IGF2BP2: variants seen among roughly 807,000 people sequenced by gnomAD.
The protein encoded by IGF2BP2 is insulin-like growth factor 2 mRNA-binding protein 2.
IGF2BP2 carries 17 observed loss-of-function variants against 75.8 expected under a neutral mutation model. The observed-to-expected ratio is 0.22, with a 90% CI of 0.15 to 0.34. The LOEUF (loss-of-function observed/expected upper bound fraction) is 0.34. Ranked by LOEUF, IGF2BP2 falls within the 10% of genes least tolerant of loss-of-function variation. The pLI, the probability that IGF2BP2 is intolerant of heterozygous loss-of-function variation, is 1.00. For missense variants in IGF2BP2, 516 were observed against 772.4 expected (o/e 0.67, Z 3.93); for synonymous variants, 288 against 295.6 (o/e 0.97, Z 0.26).
chr3:185,817,802 G>T (rs1480774249), intron 2 of IGF2BP2, among the ~76,000 whole-genome samples: 1 of 152,168 alleles, frequency 6.6e-6, no homozygotes, highest in Non-Finnish European at 1.5e-5. Flanking sequence ...ATTTGAACAT[G>T]AATTTGAATA....
At chr3:185,724,516 C>A (rs1386815596) in intron 2 of IGF2BP2, 1 of 152,214 alleles carries the variant, frequency 6.6e-6, no homozygotes, top group Non-Finnish European at 1.5e-5. Flanking sequence ...GCCCACCCAG[C>A]TACTTATTAA....
chr3:185,712,151 G>C (rs923152736), intron 2 of IGF2BP2, among the ~76,000 whole-genome samples: 1 of 152,196 alleles, frequency 6.6e-6, no homozygotes, highest in Non-Finnish European at 1.5e-5. Context: ...GGTTTCAGAA[G>C]CTGAGAAGTG....
intron 2 of IGF2BP2, among the ~76,000 whole-genome samples, chr3:185,798,669 G>C (rs1737760990): frequency 6.6e-6 from 1 of 152,060 alleles, no homozygotes; most frequent in Non-Finnish European, 1.5e-5. Context: ...AACACCATTT[G>C]CTTTAAAACA....
intron 2 of IGF2BP2, among the ~76,000 whole-genome samples, chr3:185,796,562 CTCAA>C (rs1396776109): frequency 5.4e-5 from 4 of 74,470 alleles, no homozygotes; most frequent in African/African-American, 3.2e-4. Context: ...GACATTCCGT[CTCAA>C]AAAAAAAAAA....
chr3:185,795,452 C>T (rs542257802), intron 2 of IGF2BP2, among the ~76,000 whole-genome samples: 110 of 152,288 alleles, frequency 7.2e-4, no homozygotes, highest in African/African-American at 2.6e-3. Flanking sequence ...AATATCTGTT[C>T]TAGTCCCTGC....
At chr3:185,741,809 T>C (rs1300804635) in intron 2 of IGF2BP2, among the ~76,000 whole-genome samples, 2 of 152,236 alleles carry the variant, frequency 1.3e-5, no homozygotes, top group East Asian at 1.9e-4. Context: ...AAGCATGTTA[T>C]ATCTATGACT....
intron 2 of IGF2BP2, among the ~76,000 whole-genome samples, chr3:185,771,127 A>C (rs937365215): frequency 6.6e-6 from 1 of 152,178 alleles, no homozygotes; most frequent in Non-Finnish European, 1.5e-5. Context: ...AGGGACAAGG[A>C]GGCCTACAAA....
At chr3:185,701,367 T>TAAA (rs558141080) in intron 2 of IGF2BP2, among the ~76,000 whole-genome samples, 16 of 117,110 alleles carry the variant, frequency 1.4e-4, no homozygotes, top group East Asian at 5.7e-4. Flanking sequence ...ACCTGCTAAG[T>TAAA]AAAAAAAAAA....
Position 185,807,379 on chromosome 3 carries a change from C to T in IGF2BP2, c.239+15774G>A, listed in dbSNP as rs558011350. Among the ~76,000 whole-genome samples, 6 of 152,264 alleles carry T rather than the reference C, an allele frequency of 3.9e-5. No homozygotes were observed. The East Asian group carries it at 1.2e-3, about 29-fold the overall frequency. On this transcript the variant is annotated intron_variant, in intron 2 of 15. Transcript: ENST00000382199. ...ATGAAATGGGGATAACAGTATCTTC[C>T]TTCCTCATTCTACAAAATGTTGTGA...
At chr3:185,755,789 G>A (rs1179185493) in intron 2 of IGF2BP2, among the ~76,000 whole-genome samples, 1 of 152,180 alleles carries the variant, frequency 6.6e-6, no homozygotes, top group East Asian at 1.9e-4. Flanking sequence ...TTTACCCAAT[G>A]TCTGTACCAC....
chr3:185,814,685 C>T (rs1740365195), intron 2 of IGF2BP2, among the ~76,000 whole-genome samples: 1 of 152,062 alleles, frequency 6.6e-6, no homozygotes, highest in Admixed American at 6.5e-5. Context: ...AAAAGCATGG[C>T]GTCTATCTAG....
At chr3:185,656,131 G>T (rs560027266) in intron 12 of IGF2BP2, among the ~76,000 whole-genome samples, 2 of 152,378 alleles carry the variant, frequency 1.3e-5, no homozygotes, top group South Asian at 4.1e-4. Context: ...CTGCAGGACT[G>T]AAAGCTGGGC....
chr3:185,794,120 G>C (rs1737017237), intron 2 of IGF2BP2, among the ~76,000 whole-genome samples: 1 of 151,910 alleles, frequency 6.6e-6, no homozygotes, highest in Non-Finnish European at 1.5e-5. Flanking sequence ...ACCACACCTG[G>C]CTAATTTTTT....
chr3:185,720,523 A>C (rs1233356632), intron 2 of IGF2BP2, among the ~76,000 whole-genome samples: 3 of 152,172 alleles, frequency 2.0e-5, no homozygotes, highest in African/African-American at 7.2e-5. Flanking sequence ...GAAAGGATGC[A>C]CACAATTGGC....
intron 2 of IGF2BP2, among the ~76,000 whole-genome samples, chr3:185,768,230 G>C (rs1733357423): frequency 6.6e-6 from 1 of 152,090 alleles, no homozygotes. Context: ...AAAGGAAAAA[G>C]GAAAGTTGAG....
At position 185,822,477 on chromosome 3, in the gene IGF2BP2, T is replaced by C. The variant is rs1741487741; in HGVS notation, c.239+676A>G. On this transcript the variant is annotated intron_variant, in intron 2 of 15. Transcript: ENST00000382199. The stretch of plus-strand genomic sequence containing the variant: ...GAAATCCAACCTCCACAAAACTTGT[T>C]ACTCCGTCATTAACAACAGTGCACT... Among the ~76,000 whole-genome samples, 2 of 152,244 alleles carry C rather than the reference T, an allele frequency of 1.3e-5. 1 individual carries two copies. The highest frequency in any genetic ancestry group is 4.1e-4 in the South Asian group (2 of 4,832).
intron 2 of IGF2BP2, among the ~76,000 whole-genome samples, chr3:185,732,444 T>C (rs562581103): frequency 6.6e-6 from 1 of 152,318 alleles, no homozygotes; most frequent in South Asian, 2.1e-4. Flanking sequence ...GATAAACAAC[T>C]GACATTTTGA....
rs116191893 is a variant in IGF2BP2, at chr3:185,643,414, G to A, written c.*2117C>T. Among the ~76,000 whole-genome samples the A allele has an allele frequency of 0.011, 1,679 of 152,312 alleles. 25 individuals carry two copies. The highest frequency in any genetic ancestry group is 0.038 in the African/African-American group (1,580 of 41,562). Reference sequence around the variant, plus strand: ...CTCCGAGGTTCGGAAACTTCAGTGCGCACAGCAATCACCCAGAGGCCTTGC... The same window carrying A: ...CTCCGAGGTTCGGAAACTTCAGTGCACACAGCAATCACCCAGAGGCCTTGC... On this transcript the variant is annotated 3_prime_UTR_variant, in exon 16 of 16. Coordinates refer to ENST00000382199, the MANE Select transcript of IGF2BP2 (RefSeq NM_006548.6).
At chr3:185,816,985 T>C (rs1164580038) in intron 2 of IGF2BP2, among the ~76,000 whole-genome samples, 2 of 152,234 alleles carry the variant, frequency 1.3e-5, no homozygotes, top group Non-Finnish European at 2.9e-5. Flanking sequence ...TAATTCTTAT[T>C]GCAATGTTCC....
Sources: gnomAD v4.1 joint callset for allele counts (sites outside exome capture counted in the v4.1 genomes callset) on GRCh38, gnomAD v4.1.1 for gene constraint, MANE v1.5 for transcripts, NCBI Gene and HGNC (gene_info 2026-07-23, HGNC 2026-07-21) for gene names.